Variants in TRAPPC9 observed in about 807,000 individuals in gnomAD.
TRAPPC9 encodes trafficking protein particle complex subunit 9.
TRAPPC9 carries 83 observed loss-of-function variants against 124.0 expected under a neutral mutation model. That is an observed-to-expected ratio of 0.67 (90% CI 0.56 to 0.80). The LOEUF (loss-of-function observed/expected upper bound fraction) is 0.80, where lower values mean the gene tolerates loss of function less well. Ranked by LOEUF, TRAPPC9 falls within the 30% of genes least tolerant of loss-of-function variation. The pLI is 0.00. For missense variants in TRAPPC9, 1,302 were observed against 1,508.3 expected, an observed-to-expected ratio of 0.86 and a Z score of 2.27; for synonymous variants, 638 against 617.5, an observed-to-expected ratio of 1.03 and a Z score of -0.49.
chr8:140,153,647 T>TTGAA (rs1053720320), intron 17 of TRAPPC9, among the ~76,000 whole-genome samples: 15 of 152,332 alleles, frequency 9.8e-5, no homozygotes, highest in African/African-American at 2.4e-4. Flanking sequence ...TATGGCATTG[T>TTGAA]TGAATGAATG....
chr8:139,769,552 C>A (rs541853189), intron 21 of TRAPPC9, among the ~76,000 whole-genome samples: 1 of 152,162 alleles, frequency 6.6e-6, no homozygotes, highest in Non-Finnish European at 1.5e-5. Context: ...TATGGTTGAA[C>A]GAGGGTCACT....
intron 5 of TRAPPC9, among the ~76,000 whole-genome samples, chr8:140,410,854 A>G (rs1247869208): frequency 6.6e-6 from 1 of 151,856 alleles, no homozygotes; most frequent in Admixed American, 6.6e-5. Context: ...AAAAAAAAAA[A>G]TTATATAGAT....
intron 7 of TRAPPC9, among the ~76,000 whole-genome samples, chr8:140,376,101 A>AT (rs2068429974): frequency 6.6e-6 from 1 of 152,146 alleles, no homozygotes; most frequent in African/African-American, 2.4e-5. Flanking sequence ...TGCACCAAGG[A>AT]TTTTCCTTTA....
At chr8:140,373,349 C>T (rs534215041) in intron 7 of TRAPPC9, among the ~76,000 whole-genome samples, 88 of 152,340 alleles carry the variant, frequency 5.8e-4, no homozygotes, top group South Asian at 1.5e-3. Flanking sequence ...GTGACGCCGC[C>T]GGGGCACACA....
At chr8:139,778,460 G>T (rs1007762743) in intron 21 of TRAPPC9, among the ~76,000 whole-genome samples, 2 of 152,112 alleles carry the variant, frequency 1.3e-5, no homozygotes, top group African/African-American at 2.4e-5. Context: ...ACAATGAGGA[G>T]TAAAAACAAC....
intron 17 of TRAPPC9, among the ~76,000 whole-genome samples, chr8:140,027,763 T>C (rs755221411): frequency 1.2e-4 from 18 of 152,086 alleles, no homozygotes; most frequent in Admixed American, 9.8e-4. Flanking sequence ...TCAGGAAATG[T>C]AGAATCATGG....
chr8:140,240,894 T>C (rs1390219618), intron 16 of TRAPPC9, among the ~76,000 whole-genome samples: 1 of 152,154 alleles, frequency 6.6e-6, no homozygotes, highest in East Asian at 1.9e-4. Context: ...TTTTAAAAAG[T>C]TGTCAGCGGC....
intron 17 of TRAPPC9, among the ~76,000 whole-genome samples, chr8:140,147,215 C>T (rs2061476360): frequency 6.6e-6 from 1 of 152,198 alleles, no homozygotes; most frequent in Non-Finnish European, 1.5e-5. Context: ...CACACGTTAG[C>T]GTGAACCAAT....
intron 19 of TRAPPC9, among the ~76,000 whole-genome samples, chr8:139,938,510 C>T (rs1833689608): frequency 6.6e-6 from 1 of 152,150 alleles, no homozygotes; most frequent in Non-Finnish European, 1.5e-5. Flanking sequence ...TGGTCTCGAT[C>T]TCCTGACCTC....
chr8:139,835,114 G>A (rs1826247483), intron 21 of TRAPPC9, among the ~76,000 whole-genome samples: 1 of 152,174 alleles, frequency 6.6e-6, no homozygotes, highest in African/African-American at 2.4e-5. Context: ...GTTAATGAAT[G>A]CGACCTTGGG....
chr8:140,221,549 A>G lies in TRAPPC9; in HGVS notation c.2466T>C (p.Ser822=). 6.2e-7 allele frequency: 1 copy of G among 1,614,112 alleles called. No homozygotes were observed. Among genetic ancestry groups the G allele is most frequent in the Non-Finnish European group, 8.5e-7 (1 of 1,179,986 alleles). Residue 822 remains serine, a synonymous_variant, in exon 17 of 23, where the codon AGT becomes AGC. Coordinates refer to ENST00000438773, the MANE Select transcript of TRAPPC9 (RefSeq NM_001160372.4). ...GISVSGFPLS[S]PFRQVVRPRV... ...GGGGCCGAACGACCTGCCGAAAAGG[A>G]CTGGACAGGGGAAAGCCACTCACAC...
chr8:140,035,113 A>C (rs1184531667), intron 17 of TRAPPC9, among the ~76,000 whole-genome samples: 3 of 152,246 alleles, frequency 2.0e-5, no homozygotes, highest in Non-Finnish European at 4.4e-5. Context: ...ACTGAAATAC[A>C]ATCAGCCTGA....
chr8:140,249,146 G>A (rs4736023), intron 16 of TRAPPC9, among the ~76,000 whole-genome samples: 25,963 of 151,812 alleles, frequency 0.17, 2,386 homozygotes, highest in African/African-American at 0.25. Context: ...TGAGCGTGCT[G>A]CCCAACAACT....
intron 21 of TRAPPC9, among the ~76,000 whole-genome samples, chr8:139,763,637 CAT>C (rs756298341): frequency 7.2e-5 from 11 of 152,150 alleles, no homozygotes; most frequent in African/African-American, 2.2e-4. Flanking sequence ...CACGTGCACA[CAT>C]GTGCACACAG....
chr8:139,841,197 C>T (rs982564115), intron 21 of TRAPPC9, among the ~76,000 whole-genome samples: 1 of 152,194 alleles, frequency 6.6e-6, no homozygotes, highest in African/African-American at 2.4e-5. Flanking sequence ...CATCGCATCA[C>T]TCCGCCCTCC....
At chr8:140,153,937 G>A (rs1182315605) in intron 17 of TRAPPC9, among the ~76,000 whole-genome samples, 5 of 152,098 alleles carry the variant, frequency 3.3e-5, no homozygotes, top group South Asian at 2.1e-4. Context: ...ATGTGACACC[G>A]TCTGCCTCAG....
intron 5 of TRAPPC9, among the ~76,000 whole-genome samples, chr8:140,408,127 G>C (rs2069560883): frequency 1.3e-5 from 2 of 152,156 alleles, no homozygotes; most frequent in Admixed American, 6.6e-5. Context: ...CATCTGTAAA[G>C]TTGTGACAGC....
chr8:140,044,142 C>T (rs1280032408), intron 17 of TRAPPC9, among the ~76,000 whole-genome samples: 1 of 152,176 alleles, frequency 6.6e-6, no homozygotes, highest in Non-Finnish European at 1.5e-5. Context: ...ACCCCAGTGC[C>T]ATCCCCTCTT....
intron 19 of TRAPPC9, among the ~76,000 whole-genome samples, chr8:139,985,963 G>T (rs185686536): frequency 1.3e-5 from 2 of 152,130 alleles, no homozygotes; most frequent in East Asian, 3.8e-4. Context: ...AAAGACTCTC[G>T]GCCAGGCCTA....
Sources: allele counts gnomAD v4.1 joint callset (sites outside exome capture counted in the v4.1 genomes callset), GRCh38; gene constraint gnomAD v4.1.1; transcripts MANE v1.5; gene names NCBI Gene and HGNC (gene_info 2026-07-23, HGNC 2026-07-21).